The following PTPRK variants were observed in gnomAD, a reference collection of about 807,000 sequenced individuals.
PTPRK encodes receptor-type tyrosine-protein phosphatase kappa.
In PTPRK, 75 loss-of-function variants were observed where a neutral mutation model predicts 178.0. That is an observed-to-expected ratio of 0.42 (90% confidence interval 0.35 to 0.51). The LOEUF is 0.51. Ranked by LOEUF, PTPRK falls within the 20% of genes least tolerant of loss-of-function variation. The pLI is 0.02. For missense variants in PTPRK, 1,441 were observed against 1,797.8 expected (o/e 0.80, Z 3.59); for synonymous variants, 637 against 620.6 (o/e 1.03, Z -0.39).
intron 2 of PTPRK, among the ~76,000 whole-genome samples, chr6:128,331,649 T>C (rs749679740): frequency 1.3e-5 from 2 of 152,220 alleles, no homozygotes; most frequent in South Asian, 2.1e-4. Context: ...TTAAGATGGA[T>C]GCTTCTCTTC....
At position 128,345,110 on chromosome 6, in the gene PTPRK, G is replaced by A. The variant is rs182988774; in HGVS notation, c.224-22800C>T. On this transcript the variant is annotated intron_variant, in intron 2 of 29. Coordinates refer to ENST00000368226, the MANE Select transcript of PTPRK (RefSeq NM_002844.4). ...TGTGATGTAGGACTTTAAGAAGTCA[G>A]AGAGAGTTCTTTCTAAGCAAGTTTT... Among the ~76,000 whole-genome samples the A allele has an allele frequency of 1.1e-3, 164 of 151,556 alleles. 1 individual carries two copies. The highest frequency in any genetic ancestry group is 3.6e-3 in the African/African-American group (149 of 41,318).
intron 13 of PTPRK, among the ~76,000 whole-genome samples, chr6:128,047,029 A>G (rs771149396): frequency 6.6e-5 from 10 of 152,216 alleles, no homozygotes; most frequent in Admixed American, 5.2e-4. Flanking sequence ...AATTAAGATT[A>G]TGAAGAAAAT....
chr6:128,465,267 G>A (rs929296770), intron 1 of PTPRK, among the ~76,000 whole-genome samples: 3 of 151,802 alleles, frequency 2.0e-5, no homozygotes, highest in Non-Finnish European at 2.9e-5. Context: ...AATTAAACAA[G>A]TTGCTTTTTT....
At chr6:128,425,918 T>A (rs1267055022) in intron 1 of PTPRK, among the ~76,000 whole-genome samples, 1 of 152,218 alleles carries the variant, frequency 6.6e-6, no homozygotes, top group African/African-American at 2.4e-5. Flanking sequence ...AAAAGAGGGT[T>A]TCATAATTAA....
intron 7 of PTPRK, among the ~76,000 whole-genome samples, chr6:128,092,378 A>G (rs1187036627): frequency 6.6e-6 from 1 of 152,154 alleles, no homozygotes; most frequent in Admixed American, 6.5e-5. Flanking sequence ...ACACAGACTA[A>G]AAATCAAAAC....
At chr6:128,103,132 G>A (rs971689571) in intron 7 of PTPRK, among the ~76,000 whole-genome samples, 1 of 152,132 alleles carries the variant, frequency 6.6e-6, no homozygotes. Flanking sequence ...GGCAGAGAAG[G>A]AGAGAAGACA....
At chr6:128,089,232 G>A (rs938350780) in intron 8 of PTPRK, among the ~76,000 whole-genome samples, 6 of 152,154 alleles carry the variant, frequency 3.9e-5, no homozygotes, top group Non-Finnish European at 8.8e-5. Flanking sequence ...CCAAAGTGCT[G>A]GGATTACAGG....
At chr6:128,301,636 A>C (rs1325342851) in intron 3 of PTPRK, among the ~76,000 whole-genome samples, 1 of 152,210 alleles carries the variant, frequency 6.6e-6, no homozygotes, top group African/African-American at 2.4e-5. Flanking sequence ...TATTTACATT[A>C]TAAAAAGAGT....
chr6:128,108,674 A>T (rs2114318620), intron 7 of PTPRK, among the ~76,000 whole-genome samples: 1 of 152,296 alleles, frequency 6.6e-6, no homozygotes, highest in Non-Finnish European at 1.5e-5. Context: ...TGATATACAA[A>T]GAATTTCCCA....
chr6:128,262,945 G>A (rs1238410537), intron 3 of PTPRK, among the ~76,000 whole-genome samples: 3 of 150,700 alleles, frequency 2.0e-5, no homozygotes, highest in Non-Finnish European at 4.4e-5. Context: ...TTTGCTGGGA[G>A]GTGGCAGACC....
At chr6:128,201,771 C>G (rs540447629) in intron 6 of PTPRK, among the ~76,000 whole-genome samples, 1 of 151,922 alleles carries the variant, frequency 6.6e-6, no homozygotes, top group Admixed American at 6.6e-5. Flanking sequence ...TAATAACTAT[C>G]ATGCTACTTG....
At chr6:128,018,967 A>C (rs1773028914) in intron 13 of PTPRK, among the ~76,000 whole-genome samples, 1 of 152,144 alleles carries the variant, frequency 6.6e-6, no homozygotes, top group South Asian at 2.1e-4. Flanking sequence ...TATAAACTAG[A>C]AGAAGAATAT....
Position 128,005,097 on chromosome 6 carries a change from G to T in PTPRK, c.2481C>A (p.Asn827Lys), listed in dbSNP as rs373618059. 1.2e-6 allele frequency: 2 copies of T among 1,608,280 alleles called. No individual in the cohort carries two copies. Among genetic ancestry groups the T allele is most frequent in the Non-Finnish European group, 1.7e-6 (2 of 1,176,618 alleles). Reference protein sequence around the residue: ...PLSITFMDQHNFSPRYENHSA... With the variant: ...PLSITFMDQHKFSPRYENHSA... ...TGAAAAACTTACATCTTGGACTAAA[G>T]TTATGTTGGTCCATGAAGGTGATGG... The change falls in exon 15 of 30, where the codon AAC (asparagine) becomes AAA (lysine). Residue 827 changes from asparagine to lysine, a missense_variant. Physicochemically the swap from Asn to Lys is moderately conservative, Grantham distance 94. Around this residue, in one of 4 missense-constraint regions of PTPRK, gnomAD observed 945 missense variants for 1,080.6 expected, o/e 0.87. Transcript: ENST00000368226.
intron 7 of PTPRK, among the ~76,000 whole-genome samples, chr6:128,169,714 A>G (rs529185869): frequency 6.6e-6 from 1 of 151,982 alleles, no homozygotes; most frequent in East Asian, 1.9e-4. Context: ...ACATAACATA[A>G]TTTATAAAAC....
At chr6:128,048,292 T>C (rs1392282279) in intron 13 of PTPRK, among the ~76,000 whole-genome samples, 1 of 152,162 alleles carries the variant, frequency 6.6e-6, no homozygotes, top group African/African-American at 2.4e-5. Flanking sequence ...AGCAATCTGC[T>C]TAACAAGCCC....
At chr6:128,006,886 T>C (rs1274619714) in intron 14 of PTPRK, among the ~76,000 whole-genome samples, 1 of 150,944 alleles carries the variant, frequency 6.6e-6, no homozygotes, top group Non-Finnish European at 1.5e-5. Context: ...AATTGAATTA[T>C]ACACCATTCT....
intron 7 of PTPRK, among the ~76,000 whole-genome samples, chr6:128,123,931 C>G (rs148258943): frequency 2.6e-5 from 4 of 152,056 alleles, no homozygotes; most frequent in African/African-American, 4.8e-5. Flanking sequence ...ACAGCAAGAG[C>G]GTATACTAAC....
intron 13 of PTPRK, among the ~76,000 whole-genome samples, chr6:128,049,427 G>T (rs921788410): frequency 1.3e-5 from 2 of 151,946 alleles, no homozygotes; most frequent in Non-Finnish European, 2.9e-5. Context: ...ATCAATGCCC[G>T]CTTGCTTTAC....
At chr6:128,185,269 A>T (rs1802565287) in intron 6 of PTPRK, among the ~76,000 whole-genome samples, 1 of 152,182 alleles carries the variant, frequency 6.6e-6, no homozygotes, top group African/African-American at 2.4e-5. Flanking sequence ...ACAATCACAA[A>T]TCACTAAACA....
Sources: gnomAD v4.1 joint callset for allele counts (sites outside exome capture counted in the v4.1 genomes callset) on GRCh38, gnomAD v4.1.1 for gene constraint, gnomAD v4.1.1 regional missense constraint, MANE v1.5 for transcripts, NCBI Gene and HGNC (gene_info 2026-07-23, HGNC 2026-07-21) for gene names.